Variants in ACO1 observed in about 807,000 individuals in gnomAD.
The protein encoded by ACO1 is cytoplasmic aconitate hydratase.
In ACO1, 78 loss-of-function variants were observed where a neutral mutation model predicts 105.1. The ratio of observed to expected loss-of-function variants is 0.74; its 90% CI spans 0.62 to 0.90. The LOEUF is 0.90. ACO1 is among the 40% of genes least tolerant of loss of function. ACO1 has a pLI of 0.00. For missense variants in ACO1, 965 were observed against 1,111.1 expected (o/e 0.87, Z 1.87); for synonymous variants, 364 against 397.4 (o/e 0.92, Z 1.00).
rs753272209 is a variant in ACO1 at position 32,450,360 on chromosome 9, A to G, written c.*249A>G. 1.8e-5 allele frequency: 10 copies of G among 545,322 alleles called. No individual in the cohort carries two copies. The highest frequency in any genetic ancestry group is 3.1e-5 in the Non-Finnish European group (9 of 289,594). The allele number at this position is 545,322 out of a possible 1,614,324, so 33.8% of individuals were successfully genotyped here. Reference sequence around the variant, plus strand: ...GAATGGTGGGAATGTCAGTAGTGCCAGAAAGAGAGAACCAAGCTTGTCTTT... The same window carrying G: ...GAATGGTGGGAATGTCAGTAGTGCCGGAAAGAGAGAACCAAGCTTGTCTTT... On this transcript the variant is annotated 3_prime_UTR_variant, in exon 21 of 21. Coordinates refer to ENST00000309951, the MANE Select transcript of ACO1 (RefSeq NM_002197.3).
At chr9:32,438,508 A>G (rs1822410326) in intron 18 of ACO1, among the ~76,000 whole-genome samples, 1 of 152,222 alleles carries the variant, frequency 6.6e-6, no homozygotes, top group South Asian at 2.1e-4. Context: ...TGATAGCTCC[A>G]TGACAGAGAT....
chr9:32,401,869 T>C (rs1821503172), intron 1 of ACO1, among the ~76,000 whole-genome samples: 1 of 152,224 alleles, frequency 6.6e-6, no homozygotes, highest in African/African-American at 2.4e-5. Flanking sequence ...GCATGCAGAG[T>C]GTACCTGTGC....
At chr9:32,449,950 C>A in intron 20 of ACO1, 48 bp from the exon 21 acceptor site, 1 of 1,486,554 alleles carries the variant, frequency 6.7e-7, no homozygotes, top group Non-Finnish European at 9.4e-7. Flanking sequence ...CCGAGCAGAG[C>A]TGTCTCGCCA....
chr9:32,423,445 T>A, intron 9 of ACO1, 26 bp downstream of exon 9: 1 of 1,456,112 alleles, frequency 6.9e-7, no homozygotes, highest in Non-Finnish European at 9.5e-7. Context: ...CCACTGTGCA[T>A]GTATTTCCTC....
chr9:32,433,708 CCTTT>C lies in ACO1; in HGVS notation c.1852-15_1852-12del, dbSNP rs1378447549. On this transcript the variant is annotated splice_polypyrimidine_tract_variant and intron_variant, in intron 15 of 20. Coordinates refer to ENST00000309951, the MANE Select transcript of ACO1 (RefSeq NM_002197.3). ...CTGGAATGGGATGTGATTAGATCTGCCTTTCTTTTCTTTTTTAAGACTGTGAATG... is the reference window on the plus strand; with the variant it reads ...CTGGAATGGGATGTGATTAGATCTGCCTTTTCTTTTTTAAGACTGTGAATG... The C allele has an allele frequency of 1.3e-6, 2 of 1,566,652 alleles. No individual in the cohort carries two copies. The highest frequency in any genetic ancestry group is 1.2e-5 in the South Asian group (1 of 85,444).
chr9:32,384,810 C>G (rs1821121105), intron 1 of ACO1, 75 bp downstream of exon 1: 1 of 284,324 alleles, frequency 3.5e-6, no homozygotes, highest in South Asian at 2.4e-5. Context: ...AGAGTCGGTG[C>G]GGGCCTTTAC....
At chr9:32,415,937 T>C (rs1263986702) in intron 4 of ACO1, among the ~76,000 whole-genome samples, 1 of 152,064 alleles carries the variant, frequency 6.6e-6, no homozygotes, top group Admixed American at 6.6e-5. Context: ...CAAGCATATA[T>C]GGGCATTGGG....
chr9:32,431,829 T>G lies in ACO1; in HGVS notation c.1837T>G (p.Tyr613Asp). Residue 613 changes from tyrosine (Y) to aspartate (D), a missense_variant, in exon 15 of 21, where the codon TAT (tyrosine) becomes GAT (aspartate). By Grantham distance (160) the Tyr-to-Asp change is radical. Transcript: ENST00000309951. ...YVIPGMFKEV[Y>D]QKIETVNESW... ...CATCCCGGGGATGTTTAAGGAAGTC[T>G]ATCAGAAAATAGAGGTGAGGTCCCA... is the stretch of plus-strand genomic sequence containing the variant. 6.2e-7 allele frequency: 1 copy of G among 1,614,086 alleles called. No individual in the cohort carries two copies. The highest frequency in any genetic ancestry group is 8.5e-7 in the Non-Finnish European group (1 of 1,180,000).
intron 4 of ACO1, among the ~76,000 whole-genome samples, chr9:32,411,675 G>C (rs1357027316): frequency 6.6e-6 from 1 of 152,076 alleles, no homozygotes; most frequent in Non-Finnish European, 1.5e-5. Context: ...GTAAATATTT[G>C]AGATGTCATT....
intron 2 of ACO1, 37 bp from the exon 3 acceptor site, chr9:32,407,224 C>T (rs1587522848): frequency 1.2e-6 from 2 of 1,606,574 alleles, no homozygotes; most frequent in East Asian, 4.5e-5. Context: ...TAAGTTGTCT[C>T]ACAGGTTTTG....
At chr9:32,414,131 C>T (rs901865399) in intron 4 of ACO1, among the ~76,000 whole-genome samples, 8 of 152,006 alleles carry the variant, frequency 5.3e-5, no homozygotes, top group African/African-American at 1.7e-4. Flanking sequence ...CCAGCCTGGG[C>T]GACAGAGTGA....
intron 9 of ACO1, among the ~76,000 whole-genome samples, chr9:32,424,233 A>C (rs2118485343): frequency 6.6e-6 from 1 of 152,308 alleles, no homozygotes; most frequent in Non-Finnish European, 1.5e-5. Flanking sequence ...AGCCATATAA[A>C]ACGCGATGAG....
rs1377713670 is a variant in ACO1 at position 32,421,198 on chromosome 9, A to G, written c.970+171A>G. Reference sequence around the variant, plus strand: ...GGTTTTTGGGATTTAAGGAGTTAATATGAGATAGAGATGGTATGGCCAATA... The same window carrying G: ...GGTTTTTGGGATTTAAGGAGTTAATGTGAGATAGAGATGGTATGGCCAATA... On this transcript the variant is annotated intron_variant, in intron 8 of 20. Transcript: ENST00000309951. 3.3e-5 allele frequency among the ~76,000 whole-genome samples: 5 copies of G among 152,188 alleles called. No individual in the cohort carries two copies. The highest frequency in any genetic ancestry group is 7.3e-5 in the Non-Finnish European group (5 of 68,028).
intron 16 of ACO1, 138 bp from the exon 17 acceptor site, chr9:32,434,421 C>A: frequency 1.0e-6 from 1 of 982,504 alleles, no homozygotes; most frequent in Non-Finnish European, 1.5e-6. Flanking sequence ...TTGATAAAAA[C>A]TAGAACACTA....
intron 1 of ACO1, among the ~76,000 whole-genome samples, chr9:32,389,390 A>T (rs923620501): frequency 6.6e-6 from 1 of 152,196 alleles, no homozygotes; most frequent in Non-Finnish European, 1.5e-5. Flanking sequence ...CAACCCCTAC[A>T]GTATGTTTAC....
Position 32,390,180 on chromosome 9 carries a change from C to T in ACO1, c.-23+5445C>T, listed in dbSNP as rs144343620. Among the ~76,000 whole-genome samples, 283 of 152,300 alleles carry T rather than the reference C, an allele frequency of 1.9e-3. 1 individual carries two copies. The highest frequency in any genetic ancestry group is 2.0e-3 in the Non-Finnish European group (137 of 68,020). ...CTTCATTTGCAGCTGTATAAATTAA[C>T]GAGAATCACTTATTAGGTCTTTTAG... On this transcript the variant is annotated intron_variant, in intron 1 of 20. Coordinates refer to ENST00000309951, the MANE Select transcript of ACO1 (RefSeq NM_002197.3).
chr9:32,417,735 G>A (rs939945008), intron 4 of ACO1, among the ~76,000 whole-genome samples: 3 of 152,170 alleles, frequency 2.0e-5, no homozygotes, highest in African/African-American at 7.2e-5. Flanking sequence ...CACATTCCAG[G>A]TCAGAGAGAT....
intron 17 of ACO1, 101 bp downstream of exon 17, chr9:32,434,802 C>A: frequency 7.0e-7 from 1 of 1,423,310 alleles, no homozygotes; most frequent in Non-Finnish European, 9.6e-7. Flanking sequence ...GAATGAGACT[C>A]TTTGGTTGTG....
At chr9:32,413,839 T>G (rs1429604818) in intron 4 of ACO1, among the ~76,000 whole-genome samples, 1 of 152,142 alleles carries the variant, frequency 6.6e-6, no homozygotes, top group Non-Finnish European at 1.5e-5. Context: ...CTTTTTTTTT[T>G]GTTCCTCCAA....
Sources: gnomAD v4.1 joint callset for allele counts (sites outside exome capture counted in the v4.1 genomes callset) on GRCh38, gnomAD v4.1.1 for gene constraint, MANE v1.5 for transcripts, NCBI Gene and HGNC (gene_info 2026-07-23, HGNC 2026-07-21) for gene names.